The following CDH4 variants were observed in gnomAD, a reference collection of about 807,000 sequenced individuals.
CDH4 encodes the protein cadherin 4.
A neutral mutation model predicts 86.0 loss-of-function variants in CDH4; 33 were observed. That is an observed-to-expected ratio of 0.38 (90% confidence interval 0.29 to 0.51). CDH4 has a LOEUF of 0.51. CDH4 is among the 20% of genes least tolerant of loss of function. The probability of loss-of-function intolerance (pLI) is 0.86; values close to 1 mark genes in which losing one functional copy is unlikely to be tolerated. For synonymous variants in CDH4, 555 were observed against 549.4 expected (o/e 1.01, Z -0.14); for missense variants, 1,114 against 1,307.4 (o/e 0.85, Z 2.28).
At chr20:61,857,198 A>G (rs1983057641) in intron 6 of CDH4, among the ~76,000 whole-genome samples, 1 of 152,158 alleles carries the variant, frequency 6.6e-6, no homozygotes. Context: ...CTCCATCTTC[A>G]TGCGTTCCGC....
At chr20:61,388,759 T>C (rs2084965688) in intron 2 of CDH4, among the ~76,000 whole-genome samples, 1 of 152,238 alleles carries the variant, frequency 6.6e-6, no homozygotes, top group South Asian at 2.1e-4. Context: ...CGCAAATACA[T>C]GAGTTACATT....
intron 2 of CDH4, among the ~76,000 whole-genome samples, chr20:61,554,756 T>C (rs2086161718): frequency 6.6e-6 from 1 of 152,246 alleles, no homozygotes; most frequent in African/African-American, 2.4e-5. Flanking sequence ...TGCATGAACA[T>C]ATATGTGCAT....
chr20:61,797,432 G>C (rs1979589786), intron 4 of CDH4, among the ~76,000 whole-genome samples: 1 of 152,220 alleles, frequency 6.6e-6, no homozygotes, highest in African/African-American at 2.4e-5. Flanking sequence ...AAATCAAGCA[G>C]TCCTGGCTTA....
intron 4 of CDH4, among the ~76,000 whole-genome samples, chr20:61,786,457 T>C (rs1319154924): frequency 2.0e-5 from 3 of 152,168 alleles, no homozygotes; most frequent in African/African-American, 7.2e-5. Context: ...TTTTGGACTC[T>C]ACTGCCCTGG....
chr20:61,697,714 C>CCTCCCTGGAGGTGTAT lies in CDH4; in HGVS notation c.170-45843_170-45828dup, dbSNP rs2087730112. Among the ~76,000 whole-genome samples the CCTCCCTGGAGGTGTAT allele has an allele frequency of 6.6e-5, 10 of 152,280 alleles. No homozygotes were observed. In the South Asian group the frequency reaches 2.1e-3, roughly 32 times the overall value. ...ACCACTGAAATCTAAACTCATGGGC[C>CCTCCCTGGAGGTGTAT]CTCCCTGGAGGTGTATCTCCCCGGA... On this transcript the variant is annotated intron_variant, in intron 2 of 15. Transcript: ENST00000614565.
intron 4 of CDH4, among the ~76,000 whole-genome samples, chr20:61,816,108 GC>G (rs946522902): frequency 6.6e-6 from 1 of 152,180 alleles, no homozygotes. Context: ...CAGCTGGGGG[GC>G]CCTGGGTTTG....
At chr20:61,319,540 T>C (rs144119348) in intron 2 of CDH4, among the ~76,000 whole-genome samples, 289 of 152,316 alleles carry the variant, frequency 1.9e-3, no homozygotes, top group Admixed American at 3.7e-3. Context: ...TTCTTTTGGA[T>C]AAATACCCAG....
chr20:61,309,837 C>T (rs1045510285), intron 2 of CDH4, among the ~76,000 whole-genome samples: 1 of 152,082 alleles, frequency 6.6e-6, no homozygotes, highest in Non-Finnish European at 1.5e-5. Context: ...AGGACAGTTT[C>T]GTCCTATTGA....
Position 61,810,698 on chromosome 20 carries a change from G to C in CDH4, c.577-33970G>C, listed in dbSNP as rs1980388442. ...AAACATTTAATTTTGGAAAAAATCA[G>C]TACTCTGCCGCTAGATGACGTGTAG... On this transcript the variant is annotated intron_variant, in intron 4 of 15. Coordinates refer to ENST00000614565, the MANE Select transcript of CDH4 (RefSeq NM_001794.5). This position sits in a 1 kb window ranked among gnomAD's most constrained non-coding sequence, Gnocchi z 4.3. Among the ~76,000 whole-genome samples the C allele has an allele frequency of 6.6e-6, 1 of 152,192 alleles. No individual in the cohort carries two copies. The highest frequency in any genetic ancestry group is 1.5e-5 in the Non-Finnish European group (1 of 68,042).
intron 15 of CDH4, among the ~76,000 whole-genome samples, chr20:61,936,404 C>T (rs1568900616): frequency 9.8e-5 from 1 of 10,208 alleles, no homozygotes; most frequent in Non-Finnish European, 2.3e-4. Flanking sequence ...CACACCCCCT[C>T]CCCCCTCTCC....
intron 2 of CDH4, among the ~76,000 whole-genome samples, chr20:61,573,084 G>GGATGGATA (rs2086356614): frequency 6.6e-6 from 1 of 151,258 alleles, no homozygotes; most frequent in African/African-American, 2.5e-5. Flanking sequence ...ATGGTTGGAT[G>GGATGGATA]GATGGTTGGA....
At position 61,599,287 on chromosome 20, in the gene CDH4, C is replaced by T. The variant is rs142636514; in HGVS notation, c.170-144276C>T. ...CACCCGGCTGAGCGGGCAGCTGTGC[C>T]GGGTGTCGGACTGGGGACCTCCTTC... On this transcript the variant is annotated intron_variant, in intron 2 of 15. Coordinates refer to ENST00000614565, the MANE Select transcript of CDH4 (RefSeq NM_001794.5). Among the ~76,000 whole-genome samples, 519 of 152,296 alleles carry T rather than the reference C, an allele frequency of 3.4e-3. 3 individuals are homozygous for T. Among genetic ancestry groups the T allele is most frequent in the African/African-American group, 0.012 (492 of 41,572 alleles).
In CDH4 at chr20:61,252,510, GA is replaced by G; in HGVS notation, c.-2del. 2 of 1,185,444 alleles carry G rather than the reference GA, an allele frequency of 1.7e-6. No individual in the cohort carries two copies. Among genetic ancestry groups the G allele is most frequent in the Non-Finnish European group, 2.1e-6 (2 of 959,304 alleles). The allele number at this position is 1,185,444 out of a possible 1,614,324, so 73.4% of individuals were successfully genotyped here. ...TGCCGGGCACCGGGCGGGCGGCGGG[GA>G]AGATGACCGCGGGCGCCGGCGTGCT... On this transcript the variant is annotated 5_prime_UTR_variant, in exon 1 of 16. Coordinates refer to ENST00000614565, the MANE Select transcript of CDH4 (RefSeq NM_001794.5). This position sits in a 1 kb window ranked among gnomAD's most constrained non-coding sequence, Gnocchi z 4.4.
intron 5 of CDH4, among the ~76,000 whole-genome samples, chr20:61,851,532 G>A (rs1982725712): frequency 6.6e-6 from 1 of 152,216 alleles, no homozygotes; most frequent in Non-Finnish European, 1.5e-5. Flanking sequence ...CGGCCACCCT[G>A]GGCTGGGTGA....
At chr20:61,275,366 A>T (rs1489688447) in intron 2 of CDH4, among the ~76,000 whole-genome samples, 23 of 40,258 alleles carry the variant, frequency 5.7e-4, no homozygotes, top group East Asian at 9.0e-4. Context: ...AGTACCGTGA[A>T]GCAGTTTGGG....
Position 61,281,502 on chromosome 20 carries a change from G to A in CDH4, c.169+26565G>A, listed in dbSNP as rs143191506. Among the ~76,000 whole-genome samples, 462 of 152,348 alleles carry A rather than the reference G, an allele frequency of 3.0e-3. 3 individuals carry two copies. Among genetic ancestry groups the A allele is most frequent in the African/African-American group, 0.011 (443 of 41,572 alleles). On this transcript the variant is annotated intron_variant, in intron 2 of 15. Coordinates refer to ENST00000614565, the MANE Select transcript of CDH4 (RefSeq NM_001794.5). ...CCAGAGCCATGAGCAACCAGTGTCT[G>A]TTGTTTGTGGGCCGCCCAAGGGAAG... is the stretch of plus-strand genomic sequence containing the variant.
At chr20:61,769,199 G>A (rs1194968821) in intron 3 of CDH4, among the ~76,000 whole-genome samples, 2 of 152,232 alleles carry the variant, frequency 1.3e-5, no homozygotes, top group Non-Finnish European at 2.9e-5. Context: ...CCAATTGCCT[G>A]TGGGCTGGGA....
intron 8 of CDH4, among the ~76,000 whole-genome samples, chr20:61,901,210 G>GAGCAGC (rs1384888595): frequency 9.5e-6 from 1 of 105,502 alleles, no homozygotes; most frequent in Non-Finnish European, 2.1e-5. Flanking sequence ...GCAGGAGCAG[G>GAGCAGC]AGCAGGAGGA....
Position 61,654,885 on chromosome 20 carries a change from C to T in CDH4, c.170-88678C>T, listed in dbSNP as rs530119079. ...GGGCCAGCTGCTCCTCTGAGACGGGCAGACCCAGCCCCGCTCTGGACAGGG... is the reference window on the plus strand; with the variant it reads ...GGGCCAGCTGCTCCTCTGAGACGGGTAGACCCAGCCCCGCTCTGGACAGGG... On this transcript the variant is annotated intron_variant, in intron 2 of 15. Transcript: ENST00000614565. Among the ~76,000 whole-genome samples, 563 of 151,796 alleles carry T rather than the reference C, an allele frequency of 3.7e-3. 1 individual carries two copies. Among genetic ancestry groups the T allele is most frequent in the Non-Finnish European group, 4.4e-3 (297 of 67,850 alleles).
Sources: gnomAD v4.1 joint callset for allele counts (sites outside exome capture counted in the v4.1 genomes callset) on GRCh38, gnomAD v4.1.1 for gene constraint, Gnocchi (gnomAD v3.1) non-coding constraint, MANE v1.5 for transcripts, NCBI Gene and HGNC (gene_info 2026-07-23, HGNC 2026-07-21) for gene names.